The following CRACR2A variants were observed in gnomAD, a reference collection of about 807,000 sequenced individuals.
CRACR2A encodes calcium release activated channel regulator 2A.
A neutral mutation model predicts 90.5 loss-of-function variants in CRACR2A; 79 were observed. The ratio of observed to expected loss-of-function variants is 0.87; its 90% confidence interval spans 0.73 to 1.05. The LOEUF (loss-of-function observed/expected upper bound fraction) is 1.05, where lower values mean the gene tolerates loss of function less well. Ranked by LOEUF, CRACR2A falls within the 50% of genes least tolerant of loss-of-function variation. CRACR2A has a pLI of 0.00. For synonymous variants in CRACR2A, 338 were observed against 356.7 expected (o/e 0.95, Z 0.59); for missense variants, 823 against 897.2 (o/e 0.92, Z 1.06).
intron 8 of CRACR2A, among the ~76,000 whole-genome samples, chr12:3,656,808 C>T (rs1444395562): frequency 2.6e-5 from 4 of 152,176 alleles, no homozygotes; most frequent in African/African-American, 7.2e-5. Context: ...GATGACCCCT[C>T]GGACACCTTC....
At chr12:3,752,370 A>G (rs61004054) in intron 1 of CRACR2A, 17,889 of 57,344 alleles carry the variant, frequency 0.31, 1,919 homozygotes, top group African/African-American at 0.44. Flanking sequence ...ACACACACAC[A>G]GACACACACA....
chr12:3,681,060 C>T (rs549486059), intron 4 of CRACR2A, among the ~76,000 whole-genome samples: 1 of 151,004 alleles, frequency 6.6e-6, no homozygotes, highest in Non-Finnish European at 1.5e-5. Flanking sequence ...GATGCGGGTG[C>T]GGGTCACTTA....
intron 3 of CRACR2A, among the ~76,000 whole-genome samples, chr12:3,700,684 G>T (rs1945822361): frequency 1.3e-5 from 2 of 152,194 alleles, no homozygotes; most frequent in Non-Finnish European, 2.9e-5. Flanking sequence ...ACACTTATGT[G>T]TCTAATAGCA....
At chr12:3,662,128 C>T (rs1228386861) in intron 7 of CRACR2A, among the ~76,000 whole-genome samples, 2 of 152,268 alleles carry the variant, frequency 1.3e-5, no homozygotes, top group East Asian at 3.9e-4. Context: ...AAAGGCTAGG[C>T]CTACCACAGA....
At chr12:3,622,645 T>C (rs1255101808) in intron 17 of CRACR2A, among the ~76,000 whole-genome samples, 2 of 152,184 alleles carry the variant, frequency 1.3e-5, no homozygotes, top group African/African-American at 2.4e-5. Flanking sequence ...TGTGTGTGTG[T>C]GTGCGTGCGT....
chr12:3,706,405 C>T (rs1945922296), intron 3 of CRACR2A, among the ~76,000 whole-genome samples: 2 of 152,224 alleles, frequency 1.3e-5, no homozygotes, highest in African/African-American at 4.8e-5. Flanking sequence ...TTCTTTGACA[C>T]ATAGTGAAGT....
chr12:3,720,439 G>A (rs932872262), intron 2 of CRACR2A, among the ~76,000 whole-genome samples: 15 of 115,956 alleles, frequency 1.3e-4, no homozygotes, highest in Admixed American at 3.3e-4. Flanking sequence ...AAGAAAGAAA[G>A]AAAGAAAGAA....
In CRACR2A at chr12:3,619,289, G is replaced by A. The variant is rs931489399; in HGVS notation, c.2016C>T (p.Leu672=). 5.8e-6 allele frequency: 9 copies of A among 1,551,498 alleles called. No individual in the cohort carries two copies. Among genetic ancestry groups the A allele is most frequent in the Middle Eastern group, 1.7e-4 (1 of 6,014 alleles). ...TCTTTACCGTGGCAAGCTGCTCTCC[G>A]AGGCCCCGGGGGACTTCCCGCTCCT... is the stretch of plus-strand genomic sequence containing the variant. ...NEKEREVPRG[L]GEQLATENNL... is the part of the protein sequence containing the mutation. Residue 672 remains leucine, a synonymous_variant, in exon 18 of 20, where the codon CTC becomes CTT. Coordinates refer to ENST00000440314, the MANE Select transcript of CRACR2A (RefSeq NM_001144958.2).
chr12:3,645,307 A>T (rs1373863008), intron 11 of CRACR2A, among the ~76,000 whole-genome samples: 1 of 152,178 alleles, frequency 6.6e-6, no homozygotes, highest in Non-Finnish European at 1.5e-5. Flanking sequence ...GGCAGAGGAG[A>T]GGCTAGGGCA....
chr12:3,748,381 G>T (rs754129271), intron 1 of CRACR2A, among the ~76,000 whole-genome samples: 1 of 152,136 alleles, frequency 6.6e-6, no homozygotes, highest in African/African-American at 2.4e-5. Flanking sequence ...CCCCATAAAT[G>T]CCTCCCTTGG....
At position 3,654,257 on chromosome 12, in the gene CRACR2A, T is replaced by A; in HGVS notation, c.1001A>T (p.Glu334Val). The change falls in exon 10 of 20, where the codon GAA becomes GTA. Residue 334 changes from glutamate to valine, a missense_variant. By Grantham distance (121) the Glu-to-Val change is moderately radical. Coordinates refer to ENST00000440314, the MANE Select transcript of CRACR2A (RefSeq NM_001144958.2). ...TTTGCAGGCCTCTTGCTGGAGGCTT[T>A]CCAACTGCTGCTGAGCATCCTGGAG... ...WELQDAQQQLESLQQEACKLH... is the reference protein window; with the variant it reads ...WELQDAQQQLVSLQQEACKLH... 1 of 1,613,784 alleles carries A rather than the reference T, an allele frequency of 6.2e-7. No individual in the cohort carries two copies.
chr12:3,648,298 A>G, intron 11 of CRACR2A: 1 of 1,427,794 alleles, frequency 7.0e-7, no homozygotes, highest in Non-Finnish European at 9.2e-7. Context: ...GACTCAGAGG[A>G]GTGGGGCAGA....
chr12:3,748,454 G>A (rs1192373549), intron 1 of CRACR2A, among the ~76,000 whole-genome samples: 4 of 152,200 alleles, frequency 2.6e-5, no homozygotes, highest in Admixed American at 6.5e-5. Context: ...CTGGCATTCC[G>A]AGAAAGCCAG....
At chr12:3,750,913 A>T (rs540635727) in intron 1 of CRACR2A, among the ~76,000 whole-genome samples, 28 of 152,258 alleles carry the variant, frequency 1.8e-4, no homozygotes, top group African/African-American at 6.3e-4. Flanking sequence ...CCACAGCGTG[A>T]CGCATCTCCA....
chr12:3,636,758 C>T (rs1944460967), intron 14 of CRACR2A, among the ~76,000 whole-genome samples: 1 of 152,228 alleles, frequency 6.6e-6, no homozygotes, highest in Non-Finnish European at 1.5e-5. Context: ...ACATTGGTGC[C>T]ACCCAGCTCT....
intron 19 of CRACR2A, among the ~76,000 whole-genome samples, chr12:3,616,109 C>G (rs1258734544): frequency 6.6e-6 from 1 of 152,244 alleles, no homozygotes; most frequent in Non-Finnish European, 1.5e-5. Flanking sequence ...TGACAAAGCT[C>G]AGAGAGGCAG....
intron 1 of CRACR2A, among the ~76,000 whole-genome samples, chr12:3,737,628 C>T (rs1181197033): frequency 6.6e-6 from 1 of 151,750 alleles, no homozygotes; most frequent in Non-Finnish European, 1.5e-5. Context: ...GAAGTAGGTG[C>T]AGGTAAAGAG....
At position 3,617,277 on chromosome 12, in the gene CRACR2A, G is replaced by A. The variant is rs376629739; in HGVS notation, c.2035-247C>T. On this transcript the variant is annotated intron_variant, in intron 18 of 19. Transcript: ENST00000440314. Reference sequence around the variant, plus strand: ...CAATTGTAAAACAATGAAACCATACGCTGTCTTAGTTCCTCTTTACACTTT... The same window carrying A: ...CAATTGTAAAACAATGAAACCATACACTGTCTTAGTTCCTCTTTACACTTT... Among the ~76,000 whole-genome samples, 1,193 of 152,050 alleles carry A rather than the reference G, an allele frequency of 7.8e-3. 16 individuals carry two copies. The highest frequency in any genetic ancestry group is 0.027 in the African/African-American group (1,129 of 41,496).
At chr12:3,677,953 G>A (rs761394966) in intron 6 of CRACR2A, among the ~76,000 whole-genome samples, 6 of 152,136 alleles carry the variant, frequency 3.9e-5, no homozygotes, top group Non-Finnish European at 7.3e-5. Flanking sequence ...CCTGCAAATC[G>A]TATATAGGCC....
Sources: allele counts gnomAD v4.1 joint callset (sites outside exome capture counted in the v4.1 genomes callset), GRCh38; gene constraint gnomAD v4.1.1; transcripts MANE v1.5; gene names NCBI Gene and HGNC (gene_info 2026-07-23, HGNC 2026-07-21).